The following OCIAD1 variants were observed in gnomAD, a reference collection of about 807,000 sequenced individuals.
OCIAD1 encodes the protein OCIA domain containing 1.
In OCIAD1, 29 loss-of-function variants were observed where a neutral mutation model predicts 38.9. The ratio of observed to expected loss-of-function variants is 0.74; its 90% CI spans 0.55 to 1.02. OCIAD1 has a LOEUF of 1.02. OCIAD1 is among the 50% of genes least tolerant of loss of function. The pLI is 0.00. For missense variants in OCIAD1, 288 were observed against 289.6 expected, an observed-to-expected ratio of 0.99 and a Z score of 0.04; for synonymous variants, 110 against 92.0, an observed-to-expected ratio of 1.20 and a Z score of -1.12.
intron 3 of OCIAD1, 111 bp downstream of exon 3, chr4:48,833,592 C>G (rs1777726547): frequency 1.5e-6 from 1 of 646,358 alleles, no homozygotes; most frequent in Non-Finnish European, 2.7e-6. Flanking sequence ...AATTGGCAAA[C>G]TTTTTGCATA....
chr4:48,821,272 T>C (rs1321756364), intron 1 of OCIAD1, among the ~76,000 whole-genome samples: 1 of 152,114 alleles, frequency 6.6e-6, no homozygotes. Flanking sequence ...ATGTAATCCA[T>C]CACATAAACA....
intron 1 of OCIAD1, among the ~76,000 whole-genome samples, chr4:48,819,440 A>G (rs1481892318): frequency 6.6e-6 from 1 of 152,144 alleles, no homozygotes; most frequent in Non-Finnish European, 1.5e-5. Flanking sequence ...GCCACTGCAA[A>G]AACAACCCAA....
intron 3 of OCIAD1, among the ~76,000 whole-genome samples, chr4:48,838,444 A>C (rs979569555): frequency 7.9e-5 from 12 of 152,364 alleles, no homozygotes; most frequent in African/African-American, 2.6e-4. Flanking sequence ...AATAGGTAGC[A>C]TTTCACTCTC....
chr4:48,819,805 G>A (rs1157735397), intron 1 of OCIAD1, among the ~76,000 whole-genome samples: 1 of 102,146 alleles, frequency 9.8e-6, no homozygotes, highest in African/African-American at 3.7e-5. Context: ...GATAAAAAAA[G>A]ACAAAGAAGG....
chr4:48,832,725 G>A (rs370579174), intron 2 of OCIAD1, 43 bp downstream of exon 2: 16 of 1,469,656 alleles, frequency 1.1e-5, no homozygotes, highest in Non-Finnish European at 1.4e-5. Flanking sequence ...CACTTCCTAT[G>A]TAAAGGAATT....
chr4:48,814,378 C>A (rs186829596), intron 1 of OCIAD1, among the ~76,000 whole-genome samples: 2 of 144,132 alleles, frequency 1.4e-5, no homozygotes, highest in African/African-American at 2.6e-5. Flanking sequence ...GTCACCTAGA[C>A]GTGGAAAAAA....
At chr4:48,827,237 G>C (rs1777260202), upstream of OCIAD1, among the ~76,000 whole-genome samples, 3 of 152,184 alleles carry the variant, frequency 2.0e-5, no homozygotes, top group Non-Finnish European at 4.4e-5. Flanking sequence ...AAATGAAGTA[G>C]AAGTTCACTA....
intron 7 of OCIAD1, 26 bp downstream of exon 7, chr4:48,852,001 T>A: frequency 6.4e-7 from 1 of 1,562,804 alleles, no homozygotes; most frequent in East Asian, 2.3e-5. Context: ...GAAATGAATT[T>A]CAACATTTTA....
chr4:48,816,526 C>G (rs966896324), intron 1 of OCIAD1, among the ~76,000 whole-genome samples: 1 of 143,732 alleles, frequency 7.0e-6, no homozygotes, highest in African/African-American at 2.6e-5. Context: ...AGCAAGAGTC[C>G]GTCTAAAAGG....
At chr4:48,805,677 C>T (rs1164555541) in intron 1 of OCIAD1, among the ~76,000 whole-genome samples, 2 of 150,304 alleles carry the variant, frequency 1.3e-5, no homozygotes, top group Non-Finnish European at 3.0e-5. Flanking sequence ...GAGCAAGACC[C>T]CCATCTCTTA....
intron 5 of OCIAD1, 72 bp from the exon 6 acceptor site, chr4:48,849,874 AT>A: frequency 7.3e-7 from 1 of 1,365,730 alleles, no homozygotes; most frequent in Non-Finnish European, 1.0e-6. Context: ...TTTAAAACAA[AT>A]TTTTCTTTTA....
chr4:48,812,505 T>C (rs919278944), intron 1 of OCIAD1, among the ~76,000 whole-genome samples: 5 of 150,254 alleles, frequency 3.3e-5, no homozygotes, highest in Admixed American at 1.3e-4. Flanking sequence ...GTCAGTTAGA[T>C]AGAGGGAAAA....
chr4:48,806,524 G>C (rs1332081915), intron 1 of OCIAD1, among the ~76,000 whole-genome samples: 10 of 151,996 alleles, frequency 6.6e-5, no homozygotes, highest in African/African-American at 4.8e-5. Context: ...TTAGACCACA[G>C]ATACACAGAA....
At chr4:48,828,383 G>C (rs1375763190), upstream of OCIAD1, among the ~76,000 whole-genome samples, 2 of 152,200 alleles carry the variant, frequency 1.3e-5, no homozygotes, top group African/African-American at 4.8e-5. Flanking sequence ...CCAATCAGCA[G>C]GATGTGTGTG....
At position 48,850,170 on chromosome 4, in the gene OCIAD1, C is replaced by G. The variant is rs567634654; in HGVS notation, c.377+88C>G. 4.2e-5 allele frequency: 58 copies of G among 1,379,780 alleles called. No homozygotes were observed. The African/African-American group carries it at 7.1e-4, about 17-fold the overall frequency. The allele number at this position is 1,379,780 out of a possible 1,614,324, so 85.5% of individuals were successfully genotyped here. On this transcript the variant is annotated intron_variant, in intron 6 of 8. Coordinates refer to ENST00000264312, the MANE Select transcript of OCIAD1 (RefSeq NM_017830.4). ...ATAACTCATGGCTCAAAAACATTGCCTGAAGGACCACTGGATACTTGCCAT... is the reference window on the plus strand; with the variant it reads ...ATAACTCATGGCTCAAAAACATTGCGTGAAGGACCACTGGATACTTGCCAT...
At chr4:48,813,167 A>G (rs1329784087) in intron 1 of OCIAD1, among the ~76,000 whole-genome samples, 1 of 152,254 alleles carries the variant, frequency 6.6e-6, no homozygotes, top group Non-Finnish European at 1.5e-5. Flanking sequence ...TCTTTCAAGA[A>G]ATATCGCAAC....
intron 1 of OCIAD1, among the ~76,000 whole-genome samples, chr4:48,822,734 C>T (rs547686015): frequency 5.3e-5 from 8 of 152,088 alleles, no homozygotes; most frequent in South Asian, 4.1e-4. Context: ...GCAAAGGATA[C>T]GAACAGACAC....
intron 3 of OCIAD1, among the ~76,000 whole-genome samples, chr4:48,838,500 T>C (rs1244774677): frequency 1.3e-5 from 2 of 152,186 alleles, no homozygotes; most frequent in Admixed American, 1.3e-4. Context: ...CATCAAACAT[T>C]GAAATGTAGA....
At chr4:48,850,554 C>G (rs914642802) in intron 6 of OCIAD1, among the ~76,000 whole-genome samples, 5 of 152,168 alleles carry the variant, frequency 3.3e-5, no homozygotes, top group South Asian at 2.1e-4. Context: ...GTGTGAACCA[C>G]TGTGCCTGGT....
Sources: allele counts gnomAD v4.1 joint callset (sites outside exome capture counted in the v4.1 genomes callset), GRCh38; gene constraint gnomAD v4.1.1; transcripts MANE v1.5; gene names NCBI Gene and HGNC (gene_info 2026-07-23, HGNC 2026-07-21).